MLIP: variants seen among roughly 807,000 people sequenced by gnomAD.
MLIP encodes muscular LMNA interacting protein.
MLIP carries 79 observed loss-of-function variants against 84.8 expected under a neutral mutation model. The ratio of observed to expected loss-of-function variants is 0.93; its 90% CI spans 0.78 to 1.12. MLIP has a LOEUF of 1.12. MLIP is among the 50% of genes most tolerant of loss of function. The pLI, the probability that MLIP is intolerant of heterozygous loss-of-function variation, is 0.00. For missense variants in MLIP, 1,257 were observed against 1,160.6 expected (o/e 1.08, Z -1.21); for synonymous variants, 504 against 463.0 (o/e 1.09, Z -1.14).
chr6:54,148,670 CTG>C (rs1166038855), intron 4 of MLIP, among the ~76,000 whole-genome samples: 1 of 152,098 alleles, frequency 6.6e-6, no homozygotes, highest in Non-Finnish European at 1.5e-5. Flanking sequence ...AATTGTGACA[CTG>C]TAGAAAAGAA....
chr6:54,120,092 T>C (rs1770303107), intron 1 of MLIP, among the ~76,000 whole-genome samples: 1 of 152,220 alleles, frequency 6.6e-6, no homozygotes, highest in African/African-American at 2.4e-5. Context: ...GCTCTCTAAT[T>C]ACTCTCAACC....
chr6:54,035,989 A>G (rs1282705368), intron 1 of MLIP, among the ~76,000 whole-genome samples: 1 of 151,532 alleles, frequency 6.6e-6, no homozygotes, highest in Non-Finnish European at 1.5e-5. Flanking sequence ...CCAGTTTACC[A>G]TTTTTTTTCT....
chr6:54,151,928 T>C (rs979882351), intron 5 of MLIP, among the ~76,000 whole-genome samples: 1 of 152,184 alleles, frequency 6.6e-6, no homozygotes, highest in African/African-American at 2.4e-5. Flanking sequence ...ATGAAGCCCA[T>C]CATTTTTAAA....
chr6:54,214,157 C>G (rs1779688423), intron 11 of MLIP, among the ~76,000 whole-genome samples: 1 of 152,150 alleles, frequency 6.6e-6, no homozygotes, highest in Non-Finnish European at 1.5e-5. Context: ...GCATCTCTTG[C>G]AGTTTTAAAA....
At chr6:54,242,678 C>A (rs1408845743) in intron 12 of MLIP, among the ~76,000 whole-genome samples, 4 of 152,036 alleles carry the variant, frequency 2.6e-5, no homozygotes, top group Non-Finnish European at 4.4e-5. Flanking sequence ...ATTTATTTTT[C>A]TAATATATGC....
chr6:54,119,685 A>G (rs1053988570), intron 1 of MLIP, among the ~76,000 whole-genome samples: 1 of 152,202 alleles, frequency 6.6e-6, no homozygotes, highest in Non-Finnish European at 1.5e-5. Context: ...CAAAGATAAT[A>G]GATGTTAAGT....
At chr6:54,211,018 T>G (rs1455445680) in intron 11 of MLIP, among the ~76,000 whole-genome samples, 1 of 151,946 alleles carries the variant, frequency 6.6e-6, no homozygotes, top group Non-Finnish European at 1.5e-5. Context: ...GTGGGTGGAT[T>G]ACCTGAGGTC....
Position 54,260,374 on chromosome 6 carries a change from A to T in MLIP, c.2976+3013A>T, listed in dbSNP as rs9349701. 2.9e-3 allele frequency among the ~76,000 whole-genome samples: 443 copies of T among 152,166 alleles called. 5 individuals carry two copies. Among genetic ancestry groups the T allele is most frequent in the South Asian group, 0.02 (98 of 4,832 alleles). On this transcript the variant is annotated intron_variant, in intron 13 of 13. Transcript: ENST00000502396. ...AATTGACTTTTGAAACACACCAATG[A>T]TAAATATACTTCCTTGTCATATGAC...
chr6:54,173,092 C>T lies in MLIP; in HGVS notation c.2544+3520C>T, dbSNP rs6916226. On this transcript the variant is annotated intron_variant, in intron 9 of 13. Transcript: ENST00000502396. ...TAATAACTAATATTTTGAGCTCTTA[C>T]CTTGAAAATAAAGCTTGGCTATCTC... is the stretch of plus-strand genomic sequence containing the variant. Among the ~76,000 whole-genome samples the T allele has an allele frequency of 2.9e-3, 446 of 151,726 alleles. 2 individuals are homozygous for T. Among genetic ancestry groups the T allele is most frequent in the African/African-American group, 0.011 (437 of 41,456 alleles).
At chr6:54,120,806 C>CT (rs1413029580) in intron 1 of MLIP, among the ~76,000 whole-genome samples, 1 of 151,972 alleles carries the variant, frequency 6.6e-6, no homozygotes, top group Non-Finnish European at 1.5e-5. Flanking sequence ...GTAGTCTTAT[C>CT]TTTTTTCTGC....
At chr6:54,159,225 T>C (rs1426140225) in intron 5 of MLIP, among the ~76,000 whole-genome samples, 2 of 152,048 alleles carry the variant, frequency 1.3e-5, no homozygotes, top group Non-Finnish European at 2.9e-5. Context: ...AAGATTTTCT[T>C]ATATCAATCT....
At chr6:54,198,155 AC>A (rs1252014849) in intron 10 of MLIP, among the ~76,000 whole-genome samples, 2 of 152,110 alleles carry the variant, frequency 1.3e-5, no homozygotes, top group African/African-American at 4.8e-5. Context: ...TTTAATGTGT[AC>A]ATGAATCGCT....
Position 54,138,056 on chromosome 6 carries a change from C to T in MLIP, c.1987C>T (p.Pro663Ser), listed in dbSNP as rs1771970931. 6 of 1,536,132 alleles carry T rather than the reference C, an allele frequency of 3.9e-6. No homozygotes were observed. The highest frequency in any genetic ancestry group is 2.6e-6 in the Non-Finnish European group (3 of 1,146,886). ...SLPNLRSSSLPHANLPTLVPQ... is the reference protein window; with the variant it reads ...SLPNLRSSSLSHANLPTLVPQ... ...TCCCAACTTGAGGTCCTCCTCTCTC[C>T]CTCATGCCAATCTGCCCACCCTGGT... Residue 663 changes from proline (P) to serine (S), a missense_variant, in exon 4 of 14, where the codon CCT (proline) becomes TCT (serine). Pro to Ser is a moderately conservative substitution (Grantham distance 74). Transcript: ENST00000502396.
At position 54,217,122 on chromosome 6, in the gene MLIP, A is replaced by C. The variant is rs1010877191; in HGVS notation, c.2719-13592A>C. 6.1e-6 allele frequency: 6 copies of C among 985,278 alleles called. No homozygotes were observed. In the African/African-American group the frequency reaches 1.0e-4, roughly 17 times the overall value. The allele number at this position is 985,278 out of a possible 1,614,324, so 61.0% of individuals were successfully genotyped here. On this transcript the variant is annotated intron_variant, in intron 11 of 13. Transcript: ENST00000502396. ...GAAGATGGAAGACAGGATGGAGTGA[A>C]AGGCTCCAGTAATTTTACCTATGGT...
Position 54,124,579 on chromosome 6 carries a change from G to C in MLIP, c.359G>C (p.Arg120Thr). 1 of 1,614,182 alleles carries C rather than the reference G, an allele frequency of 6.2e-7. No homozygotes were observed. Among genetic ancestry groups the C allele is most frequent in the Non-Finnish European group, 8.5e-7 (1 of 1,180,024 alleles). Reference protein sequence around the residue: ...SEVSGTILQEREFEANKLQGM... With the variant: ...SEVSGTILQETEFEANKLQGM... ...GTCAGTGGAACGATTTTACAAGAAA[G>C]GGAATTCGAAGCAAACAAACTTCAA... Residue 120 changes from arginine to threonine, a missense_variant, in exon 3 of 14, where the codon AGG becomes ACG. Coordinates refer to ENST00000502396, the MANE Select transcript of MLIP (RefSeq NM_001281747.2).
At position 54,230,832 on chromosome 6, in the gene MLIP, C is replaced by G. The variant is rs1395332644; in HGVS notation, c.2837C>G (p.Pro946Arg). The G allele has an allele frequency of 2.5e-6, 4 of 1,613,934 alleles. No individual in the cohort carries two copies. Among genetic ancestry groups the G allele is most frequent in the Non-Finnish European group, 3.4e-6 (4 of 1,180,012 alleles). ...QTLSHADCLA[P>R]GPFSHLSFSL... ...CTCTCACATGCTGACTGTCTTGCCC[C>G]AGGACCCTTCAGTCATCTGTCCTTC... The change falls in exon 12 of 14, where the codon CCA (proline) becomes CGA (arginine). Residue 946 changes from proline to arginine, a missense_variant. Physicochemically the swap from Pro to Arg is moderately radical, Grantham distance 103. Coordinates refer to ENST00000502396, the MANE Select transcript of MLIP (RefSeq NM_001281747.2).
At chr6:54,163,037 A>T (rs2150570464) in intron 8 of MLIP, among the ~76,000 whole-genome samples, 1 of 152,140 alleles carries the variant, frequency 6.6e-6, no homozygotes, top group East Asian at 1.9e-4. Context: ...GATAAGTCTA[A>T]AGAAGTGTTT....
chr6:54,246,007 G>A (rs889955024), intron 12 of MLIP, among the ~76,000 whole-genome samples: 3 of 152,052 alleles, frequency 2.0e-5, no homozygotes, highest in Non-Finnish European at 4.4e-5. Flanking sequence ...GTTTACCAAT[G>A]TGTGACTAAT....
chr6:54,124,537 T>A lies in MLIP; in HGVS notation c.317T>A (p.Leu106Ter). The change falls in exon 3 of 14, where the codon TTG becomes TAG. Residue 106 changes from leucine to a stop codon, truncating the protein, a stop_gained. Coordinates refer to ENST00000502396, the MANE Select transcript of MLIP (RefSeq NM_001281747.2). LOFTEE classifies it high-confidence loss of function. ...GSQQERDQAK[L>*]TCPSEVSGTI... ...CAACAAGAGAGAGACCAAGCGAAATTGACTTGTCCTTCAGAGGTCAGTGGA... is the reference window on the plus strand; with the variant it reads ...CAACAAGAGAGAGACCAAGCGAAATAGACTTGTCCTTCAGAGGTCAGTGGA... The A allele has an allele frequency of 1.2e-6, 2 of 1,614,144 alleles. No individual in the cohort carries two copies. Among genetic ancestry groups the A allele is most frequent in the Non-Finnish European group, 1.7e-6 (2 of 1,180,006 alleles).
Sources: gnomAD v4.1 joint callset for allele counts (sites outside exome capture counted in the v4.1 genomes callset) on GRCh38, gnomAD v4.1.1 for gene constraint, MANE v1.5 for transcripts, NCBI Gene and HGNC (gene_info 2026-07-23, HGNC 2026-07-21) for gene names.